CACNA1E: variants seen among roughly 807,000 people sequenced by gnomAD.
The protein encoded by CACNA1E is voltage-dependent R-type calcium channel subunit alpha-1E.
In CACNA1E, 40 loss-of-function variants were observed where a neutral mutation model predicts 259.2. The ratio of observed to expected loss-of-function variants is 0.15; its 90% CI spans 0.12 to 0.20. The LOEUF is 0.20. Among genes scored for constraint, CACNA1E ranks in the 10% least tolerant of loss-of-function variants. The pLI is 1.00. For synonymous variants in CACNA1E, 1,104 were observed against 1,138.5 expected, an observed-to-expected ratio of 0.97 and a Z score of 0.61; for missense variants, 1,874 against 3,040.1, an observed-to-expected ratio of 0.62 and a Z score of 9.02.
At chr1:181,428,799 C>T (rs1659495183) in intron 2 of CACNA1E, among the ~76,000 whole-genome samples, 1 of 152,186 alleles carries the variant, frequency 6.6e-6, no homozygotes, top group Non-Finnish European at 1.5e-5. Context: ...CCATGGCCCT[C>T]TTTCATAACA....
At chr1:181,650,823 ATTG>A (rs1243801382) in intron 6 of CACNA1E, among the ~76,000 whole-genome samples, 1 of 152,164 alleles carries the variant, frequency 6.6e-6, no homozygotes, top group Non-Finnish European at 1.5e-5. Flanking sequence ...GCTCTGTGCT[ATTG>A]TACTATGATG....
At chr1:181,613,736 G>C (rs992885425) in intron 6 of CACNA1E, among the ~76,000 whole-genome samples, 2 of 152,082 alleles carry the variant, frequency 1.3e-5, no homozygotes, top group Admixed American at 1.3e-4. Flanking sequence ...CTTAAATCCT[G>C]GTGCTCACTT....
At chr1:181,466,018 C>T (rs1290236957) in intron 2 of CACNA1E, among the ~76,000 whole-genome samples, 1 of 151,998 alleles carries the variant, frequency 6.6e-6, no homozygotes, top group African/African-American at 2.4e-5. Context: ...CCCATAAATC[C>T]ATGTCACACA....
chr1:181,793,668 C>T lies in CACNA1E; in HGVS notation c.5902C>T (p.Pro1968Ser). 2 of 1,609,224 alleles carry T rather than the reference C, an allele frequency of 1.2e-6. No homozygotes were observed. The highest frequency in any genetic ancestry group is 1.7e-6 in the Non-Finnish European group (2 of 1,178,462). The change falls in exon 45 of 48, where the codon CCA becomes TCA. Residue 1968 changes from proline (P) to serine (S), a missense_variant. Coordinates refer to ENST00000367573, the MANE Select transcript of CACNA1E (RefSeq NM_001205293.3). ...TTGGCTGTGTGTTTATTTCCAGGAG[C>T]CAGAGGTTAGTGAATTAAAAAGCGT... Reference protein sequence around the residue: ...GQFQERQSLEPEVSELKSVQP... With the variant: ...GQFQERQSLESEVSELKSVQP...
At chr1:181,596,307 A>AC (rs1328857523) in intron 6 of CACNA1E, among the ~76,000 whole-genome samples, 1 of 152,150 alleles carries the variant, frequency 6.6e-6, no homozygotes, top group African/African-American at 2.4e-5. Context: ...TAAATAAAAA[A>AC]CTAAGGCACA....
chr1:181,693,128 C>CAAAAAAAAAAAAAAAAAAAAAAAAAAAAA (rs61662957), intron 7 of CACNA1E, among the ~76,000 whole-genome samples: 1 of 97,848 alleles, frequency 1.0e-5, no homozygotes, highest in African/African-American at 3.9e-5. Flanking sequence ...CTATCTAAAG[C>CAAAAAAAAAAAAAAAAAAAAAAAAAAAAA]AAAAAAAAAA....
At chr1:181,318,483 A>C (rs1447793344) in intron 1 of CACNA1E, among the ~76,000 whole-genome samples, 1 of 152,158 alleles carries the variant, frequency 6.6e-6, no homozygotes, top group Non-Finnish European at 1.5e-5. Flanking sequence ...CTCACCAAGC[A>C]GTGAGGGGGA....
intron 1 of CACNA1E, among the ~76,000 whole-genome samples, chr1:181,484,990 TAG>T (rs1418604949): frequency 6.6e-6 from 1 of 152,242 alleles, no homozygotes; most frequent in Non-Finnish European, 1.5e-5. Flanking sequence ...GACTGCTGAT[TAG>T]GCAGCTCACT....
intron 3 of CACNA1E, among the ~76,000 whole-genome samples, chr1:181,535,038 A>G (rs1668066428): frequency 6.6e-6 from 1 of 152,204 alleles, no homozygotes; most frequent in African/African-American, 2.4e-5. Flanking sequence ...TGAAAATATC[A>G]AAGGAAACAA....
At chr1:181,462,572 T>G (rs1374591572) in intron 2 of CACNA1E, among the ~76,000 whole-genome samples, 1 of 152,220 alleles carries the variant, frequency 6.6e-6, no homozygotes, top group Non-Finnish European at 1.5e-5. Context: ...CCCTCTCCCA[T>G]TTTCAAATAA....
intron 6 of CACNA1E, among the ~76,000 whole-genome samples, chr1:181,609,502 G>A (rs1481218709): frequency 6.6e-6 from 1 of 152,142 alleles, no homozygotes; most frequent in Non-Finnish European, 1.5e-5. Flanking sequence ...GGGAATAATG[G>A]CCCTAAATGT....
Position 181,802,560 on chromosome 1 carries a change from G to A in CACNA1E, c.*3726G>A, listed in dbSNP as rs964412355. 7.9e-5 allele frequency: 12 copies of A among 152,122 alleles called. No individual in the cohort carries two copies. The highest frequency in any genetic ancestry group is 7.2e-4 in the Admixed American group (11 of 15,274). 9.4% of individuals were successfully genotyped at this position (152,122 alleles called of 1,614,324 possible). A position where few individuals can be genotyped will look rare whatever the true frequency, so the allele number is the denominator to read the frequency against. On this transcript the variant is annotated 3_prime_UTR_variant, in exon 48 of 48. Coordinates refer to ENST00000367573, the MANE Select transcript of CACNA1E (RefSeq NM_001205293.3). ...AGATGGTTAATTCCACCCAATCCAA[G>A]CTTATTTGCTTGCCTGACTGACTCC...
At chr1:181,430,528 A>G (rs1659643148) in intron 2 of CACNA1E, among the ~76,000 whole-genome samples, 2 of 152,080 alleles carry the variant, frequency 1.3e-5, no homozygotes, top group African/African-American at 4.8e-5. Context: ...TCCCTGTGCA[A>G]GTTCCCATGG....
chr1:181,723,196 A>G (rs989997365), intron 16 of CACNA1E, among the ~76,000 whole-genome samples: 4 of 152,192 alleles, frequency 2.6e-5, no homozygotes, highest in Non-Finnish European at 5.9e-5. Context: ...GCTCAGTAAC[A>G]GGGGCTCTGG....
At chr1:181,496,080 C>T (rs1181709755) in intron 1 of CACNA1E, among the ~76,000 whole-genome samples, 1 of 152,172 alleles carries the variant, frequency 6.6e-6, no homozygotes, top group African/African-American at 2.4e-5. Context: ...AATAGTCTTT[C>T]CATAAGACTT....
chr1:181,412,295 G>A (rs1057447904), intron 1 of CACNA1E, among the ~76,000 whole-genome samples: 12 of 152,198 alleles, frequency 7.9e-5, no homozygotes, highest in African/African-American at 2.7e-4. Context: ...CCTTAGGCTG[G>A]GCTCAGAGGC....
Position 181,712,757 on chromosome 1 carries a change from G to A in CACNA1E, c.1171+1688G>A, listed in dbSNP as rs547736359. On this transcript the variant is annotated intron_variant, in intron 8 of 47. Transcript: ENST00000367573. ...GATTTGCCTCTAGGCCAGGAAGGCAGCTTGATGGTCCCAGCTGTCCTTGGC... is the reference window on the plus strand; with the variant it reads ...GATTTGCCTCTAGGCCAGGAAGGCAACTTGATGGTCCCAGCTGTCCTTGGC... Among the ~76,000 whole-genome samples, 84 of 152,182 alleles carry A rather than the reference G, an allele frequency of 5.5e-4. 1 individual carries two copies. Among genetic ancestry groups the A allele is most frequent in the African/African-American group, 2.0e-3 (83 of 41,514 alleles).
intron 7 of CACNA1E, among the ~76,000 whole-genome samples, chr1:181,660,768 G>A (rs1163215463): frequency 1.3e-5 from 2 of 152,182 alleles, no homozygotes; most frequent in African/African-American, 4.8e-5. Flanking sequence ...ACGTATATCT[G>A]CTCCTCCCAA....
intron 6 of CACNA1E, among the ~76,000 whole-genome samples, chr1:181,599,586 T>G (rs1465545403): frequency 6.6e-6 from 1 of 152,256 alleles, no homozygotes; most frequent in Non-Finnish European, 1.5e-5. Context: ...TTATTAAGTT[T>G]CTGCTCTGTT....
Sources: allele counts gnomAD v4.1 joint callset (sites outside exome capture counted in the v4.1 genomes callset), GRCh38; gene constraint gnomAD v4.1.1; transcripts MANE v1.5; gene names NCBI Gene and HGNC (gene_info 2026-07-23, HGNC 2026-07-21).